DNAJB13: variants seen among roughly 807,000 people sequenced by gnomAD.
DNAJB13 encodes the protein DnaJ heat shock protein family (Hsp40) member B13.
In DNAJB13, 22 loss-of-function variants were observed where a neutral mutation model predicts 35.6. The ratio of observed to expected loss-of-function variants is 0.62; its 90% confidence interval spans 0.44 to 0.88. DNAJB13 has a LOEUF of 0.88. Ranked by LOEUF, DNAJB13 falls within the 40% of genes least tolerant of loss-of-function variation. The pLI is 0.00. For missense variants in DNAJB13, 370 were observed against 384.3 expected (o/e 0.96, Z 0.31); for synonymous variants, 136 against 144.2 (o/e 0.94, Z 0.41).
Position 73,966,165 on chromosome 11 carries a change from A to G in DNAJB13, c.520A>G (p.Thr174Ala). 4 of 1,613,650 alleles carry G rather than the reference A, an allele frequency of 2.5e-6. No individual in the cohort carries two copies. Among genetic ancestry groups the G allele is most frequent in the Non-Finnish European group, 3.4e-6 (4 of 1,179,928 alleles). The change falls in exon 5 of 8, where the codon ACC becomes GCC. Residue 174 changes from threonine to alanine, a missense_variant. Transcript: ENST00000339764. ...GCTGAACGAGGATGGGTACTCCTCC[A>G]CCATCAAGGACAAGATCCTGACCAT... ...RVLNEDGYSS[T>A]IKDKILTIDV...
chr11:73,962,691 C>A (rs1459777562), intron 3 of DNAJB13, among the ~76,000 whole-genome samples: 1 of 152,200 alleles, frequency 6.6e-6, no homozygotes, highest in African/African-American at 2.4e-5. Flanking sequence ...TTCTCCCTGA[C>A]TATACTTCAG....
Position 73,969,288 on chromosome 11 carries a change from C to T in DNAJB13, c.763C>T (p.Arg255Cys), listed in dbSNP as rs762586806. Residue 255 changes from arginine to cysteine, a missense_variant, in exon 7 of 8, where the codon CGT becomes TGT. Arg to Cys is a radical substitution (Grantham distance 180). Coordinates refer to ENST00000339764, the MANE Select transcript of DNAJB13 (RefSeq NM_153614.4). Reference sequence around the variant, plus strand: ...TGTGGAGGTGAGGACCCTAGATGACCGTCTGCTCAACATCCCCATCAATGA... The same window carrying T: ...TGTGGAGGTGAGGACCCTAGATGACTGTCTGCTCAACATCCCCATCAATGA... ...CTVEVRTLDD[R>C]LLNIPINDII... The T allele has an allele frequency of 1.1e-5, 10 of 872,614 alleles. No individual in the cohort carries two copies. The highest frequency in any genetic ancestry group is 3.9e-5 in the South Asian group (3 of 76,532). The allele number at this position is 872,614 out of a possible 1,614,324, so 54.1% of individuals were successfully genotyped here. A position where few individuals can be genotyped will look rare whatever the true frequency, so the allele number is the denominator to read the frequency against.
At chr11:73,963,668 T>A (rs575806300) in intron 3 of DNAJB13, 10 of 152,336 alleles carry the variant, frequency 6.6e-5, no homozygotes, top group African/African-American at 2.4e-4. Flanking sequence ...AATTCAGCAA[T>A]GCAACAGGAG....
intron 1 of DNAJB13, among the ~76,000 whole-genome samples, chr11:73,952,174 A>G (rs1790988948): frequency 6.6e-6 from 1 of 152,204 alleles, no homozygotes; most frequent in South Asian, 2.1e-4. Flanking sequence ...TGTGGAAGTT[A>G]TCTTGGAAGG....
intron 1 of DNAJB13, among the ~76,000 whole-genome samples, chr11:73,954,032 A>ATTATTATTAT (rs1565166830): frequency 6.9e-6 from 1 of 145,270 alleles, no homozygotes; most frequent in African/African-American, 2.6e-5. Flanking sequence ...AATAATAATA[A>ATTATTATTAT]TAATAATAAT....
Position 73,951,040 on chromosome 11 carries a change from A to C in DNAJB13, c.-30A>C, listed in dbSNP as rs371986893. The stretch of plus-strand genomic sequence containing the variant: ...ACAGCCTTGCTAGAGTCTGAGGACT[A>C]TCCAGGGCCTGACTGCCAGCTAGCC... On this transcript the variant is annotated 5_prime_UTR_variant, in exon 1 of 8. Transcript: ENST00000339764. 5 of 1,613,106 alleles carry C rather than the reference A, an allele frequency of 3.1e-6. No homozygotes were observed. The African/African-American group carries it at 4.0e-5, about 13-fold the overall frequency.
At chr11:73,958,285 G>A (rs748845872) in intron 1 of DNAJB13, 32 bp from the exon 2 acceptor site, 5 of 1,609,314 alleles carry the variant, frequency 3.1e-6, no homozygotes, top group South Asian at 1.1e-5. Flanking sequence ...CAGACCAGCT[G>A]ATAAGACTTG....
intron 1 of DNAJB13, among the ~76,000 whole-genome samples, chr11:73,957,796 G>A (rs1339164823): frequency 6.6e-6 from 1 of 152,158 alleles, no homozygotes; most frequent in African/African-American, 2.4e-5. Flanking sequence ...GTCTGCTCCG[G>A]TCCTCTAAGA....
chr11:73,961,059 G>T (rs1950919062), intron 3 of DNAJB13, among the ~76,000 whole-genome samples: 1 of 152,148 alleles, frequency 6.6e-6, no homozygotes, highest in African/African-American at 2.4e-5. Context: ...GGCTGAGGTG[G>T]CTGGATTGCT....
intron 3 of DNAJB13, among the ~76,000 whole-genome samples, chr11:73,962,487 G>A (rs1056115428): frequency 1.3e-5 from 2 of 151,798 alleles, no homozygotes; most frequent in South Asian, 2.1e-4. Flanking sequence ...CTGGGTAGGC[G>A]GAAGGATGGC....
intron 5 of DNAJB13, among the ~76,000 whole-genome samples, chr11:73,967,615 T>G (rs1357889997): frequency 6.6e-6 from 1 of 152,074 alleles, no homozygotes; most frequent in Non-Finnish European, 1.5e-5. Context: ...CATGGTAGTG[T>G]GTGCCTGTGG....
chr11:73,967,044 G>C (rs946326979), intron 5 of DNAJB13, among the ~76,000 whole-genome samples: 1 of 152,058 alleles, frequency 6.6e-6, no homozygotes, highest in East Asian at 1.9e-4. Context: ...GTAGAGACGG[G>C]GTTTCACCAT....
chr11:73,954,458 G>A (rs1400683764), intron 1 of DNAJB13, among the ~76,000 whole-genome samples: 2 of 150,432 alleles, frequency 1.3e-5, no homozygotes, highest in African/African-American at 2.5e-5. Flanking sequence ...GTGAAACCCC[G>A]TCTCTACTAA....
intron 3 of DNAJB13, 82 bp from the exon 4 acceptor site, chr11:73,964,796 T>C: frequency 3.0e-6 from 3 of 1,006,334 alleles, no homozygotes; most frequent in Non-Finnish European, 3.0e-6. Context: ...TGTGTGTGTG[T>C]GTGTGTGTGT....
At chr11:73,954,805 G>C (rs994915314) in intron 1 of DNAJB13, among the ~76,000 whole-genome samples, 2 of 151,926 alleles carry the variant, frequency 1.3e-5, no homozygotes, top group African/African-American at 4.8e-5. Flanking sequence ...AAAAAAATTA[G>C]CCAGGCGTGG....
intron 6 of DNAJB13, among the ~76,000 whole-genome samples, chr11:73,968,881 C>T (rs766230875): frequency 6.6e-6 from 1 of 152,150 alleles, no homozygotes; most frequent in Non-Finnish European, 1.5e-5. Context: ...TTCTGCTGGG[C>T]CCTCTCCCTG....
rs575012074 is a variant in DNAJB13, at chr11:73,970,174, C to T, written c.*60C>T. ...AGCCGGGCCTCACCCCACCCCTACC[C>T]GCCACAGCCTCAGGGTGTGCAGGGG... is the stretch of plus-strand genomic sequence containing the variant. On this transcript the variant is annotated 3_prime_UTR_variant, in exon 8 of 8. Coordinates refer to ENST00000339764, the MANE Select transcript of DNAJB13 (RefSeq NM_153614.4). The T allele has an allele frequency of 4.9e-4, 756 of 1,533,712 alleles. 7 individuals carry two copies. In the African/African-American group the frequency reaches 9.4e-3, roughly 19 times the overall value.
intron 2 of DNAJB13, 96 bp from the exon 3 acceptor site, chr11:73,959,398 C>T (rs1950857726): frequency 9.8e-6 from 14 of 1,424,600 alleles, no homozygotes; most frequent in African/African-American, 1.4e-5. Flanking sequence ...GCTGCTTCTG[C>T]CCCTTCCCTT....
intron 3 of DNAJB13, among the ~76,000 whole-genome samples, chr11:73,961,359 T>C (rs770961177): frequency 3.3e-5 from 5 of 152,072 alleles, no homozygotes; most frequent in Non-Finnish European, 7.4e-5. Flanking sequence ...CTGTAGGAAA[T>C]CTTCCAAGAA....
Sources: allele counts gnomAD v4.1 joint callset (sites outside exome capture counted in the v4.1 genomes callset), GRCh38; gene constraint gnomAD v4.1.1; transcripts MANE v1.5; gene names NCBI Gene and HGNC (gene_info 2026-07-23, HGNC 2026-07-21).